The following TRA2A variants were observed in gnomAD, a reference collection of about 807,000 sequenced individuals.
The protein encoded by TRA2A is transformer 2 alpha homolog.
In TRA2A, 31 loss-of-function variants were observed where a neutral mutation model predicts 45.7. The observed-to-expected ratio is 0.68, with a 90% CI of 0.51 to 0.92. The LOEUF is 0.92. TRA2A is among the 40% of genes least tolerant of loss of function. The probability of loss-of-function intolerance (pLI) is 0.00; values close to 1 mark genes in which losing one functional copy is unlikely to be tolerated. For missense variants in TRA2A, 304 were observed against 367.5 expected (o/e 0.83, Z 1.41); for synonymous variants, 132 against 126.2 (o/e 1.05, Z -0.31).
At chr7:23,527,833 T>C (rs1790401056) in intron 1 of TRA2A, among the ~76,000 whole-genome samples, 1 of 152,188 alleles carries the variant, frequency 6.6e-6, no homozygotes, top group South Asian at 2.1e-4. Context: ...TTTCAAAATC[T>C]TGCCCTCTAC....
Position 23,521,738 on chromosome 7 carries a change from CAG to C in TRA2A, c.137_138del (p.Ser46Ter). On this transcript the variant is annotated frameshift_variant, in exon 2 of 8. Transcript: ENST00000297071. LOFTEE classifies it high-confidence loss of function. ...SRSPSRVSKH[S>X]ESHSRSRSKS... ...TTTGATCTTGATCGAGAATGGGATT[CAG>C]AGTGTTTGGAAACCCTTGATGGACT... The C allele has an allele frequency of 1.2e-6, 2 of 1,614,136 alleles. No individual in the cohort carries two copies. The highest frequency in any genetic ancestry group is 1.1e-5 in the South Asian group (1 of 91,082).
In TRA2A at chr7:23,506,147, T is replaced by C. The variant is rs1193509380; in HGVS notation, c.761A>G (p.Tyr254Cys). The stretch of plus-strand genomic sequence containing the variant: ...CAAGTTAAAACATTACCTGTATCGG[T>C]AATCATAGTCTTCATATCTGTCATA... ...RGYDRYEDYD[Y>C]RYRRRSPSPY... is the part of the protein sequence containing the mutation. Residue 254 changes from tyrosine (Y) to cysteine (C), a missense_variant, in exon 6 of 8, where the codon TAC becomes TGC. Tyr to Cys is a radical substitution (Grantham distance 194). Transcript: ENST00000297071. The C allele has an allele frequency of 6.2e-7, 1 of 1,606,928 alleles. No individual in the cohort carries two copies. Among genetic ancestry groups the C allele is most frequent in the Non-Finnish European group, 8.5e-7 (1 of 1,175,372 alleles).
Position 23,516,522 on chromosome 7 carries a change from C to T in TRA2A, c.177G>A (p.Arg59=). The change falls in exon 3 of 8, where the codon AGG becomes AGA. Residue 59 remains arginine, a synonymous_variant. Transcript: ENST00000297071. The part of the protein sequence containing the change: ...HSRSRSKSRS[R]SRRHSHRRYT... ...AACGTCTATGAGAATGTCTCCTTGA[C>T]CTCGACCTTTGAGAGAAATACATTT... is the stretch of plus-strand genomic sequence containing the variant. 1.9e-6 allele frequency: 3 copies of T among 1,613,788 alleles called. No homozygotes were observed. The highest frequency in any genetic ancestry group is 2.5e-6 in the Non-Finnish European group (3 of 1,179,912).
intron 1 of TRA2A, among the ~76,000 whole-genome samples, chr7:23,525,180 T>A (rs1358311379): frequency 6.6e-6 from 1 of 152,240 alleles, no homozygotes; most frequent in East Asian, 1.9e-4. Flanking sequence ...TAAGAAGTCC[T>A]TTATATAAAG....
intron 2 of TRA2A, among the ~76,000 whole-genome samples, chr7:23,520,011 T>A (rs1222378566): frequency 2.0e-5 from 3 of 152,200 alleles, no homozygotes; most frequent in African/African-American, 7.2e-5. Context: ...GCGGATCACC[T>A]GAGGCAGGAG....
chr7:23,509,431 A>G (rs1789493637), intron 4 of TRA2A, among the ~76,000 whole-genome samples: 1 of 152,186 alleles, frequency 6.6e-6, no homozygotes, highest in Non-Finnish European at 1.5e-5. Context: ...ACAAATTTTA[A>G]AAAGATTTTA....
intron 5 of TRA2A, 198 bp downstream of exon 5, chr7:23,507,221 TC>T: frequency 1.9e-6 from 1 of 536,280 alleles, no homozygotes; most frequent in South Asian, 2.8e-5. Context: ...GTGCCTCAGC[TC>T]CCGAGCAGCT....
chr7:23,524,418 T>C (rs1584141209), intron 1 of TRA2A, among the ~76,000 whole-genome samples: 1 of 151,896 alleles, frequency 6.6e-6, no homozygotes, highest in South Asian at 2.1e-4. Flanking sequence ...TCCTGACCTC[T>C]AGTGATCTGC....
intron 4 of TRA2A, among the ~76,000 whole-genome samples, chr7:23,511,383 AAAAAAAAAAAAAAAAAAAAAAAAAAAAG>A (rs1318690229): frequency 3.8e-4 from 13 of 34,556 alleles, no homozygotes; most frequent in African/African-American, 2.1e-3. Flanking sequence ...AAAAAAAAAA[AAAAAAAAAAAAAAAAAAAAAAAAAAAAG>A]AAAAGAAAAG....
intron 3 of TRA2A, among the ~76,000 whole-genome samples, chr7:23,515,135 A>AC (rs1482038103): frequency 6.8e-6 from 1 of 147,256 alleles, no homozygotes; most frequent in Non-Finnish European, 1.5e-5. Context: ...TATTTCTTTG[A>AC]CCCCCTTACC....
rs192556482 is a variant in TRA2A, at chr7:23,517,568, G to C, written c.171-1040C>G. Among the ~76,000 whole-genome samples the C allele has an allele frequency of 5.5e-4, 76 of 137,572 alleles. 1 individual carries two copies. The highest frequency in any genetic ancestry group is 3.1e-4 in the Non-Finnish European group (20 of 64,470). 90.3% of individuals were successfully genotyped at this position (137,572 alleles called of 152,430 possible). A position where few individuals can be genotyped will look rare whatever the true frequency, so the allele number is the denominator to read the frequency against. On this transcript the variant is annotated intron_variant, in intron 2 of 7. Transcript: ENST00000297071. ...AAGTCTAGCCCAGGCAACATAGCAA[G>C]ACTCCACACTTCTATTTTAAAAAAA...
At chr7:23,517,562 T>C (rs187868741) in intron 2 of TRA2A, among the ~76,000 whole-genome samples, 383 of 120,436 alleles carry the variant, frequency 3.2e-3, no homozygotes, top group Non-Finnish European at 5.5e-3. Flanking sequence ...CCAGGCAACA[T>C]AGCAAGACTC....
At position 23,512,903 on chromosome 7, in the gene TRA2A, G is replaced by A. The variant is rs762065614; in HGVS notation, c.516C>T (p.Asp172=). 4.3e-6 allele frequency: 7 copies of A among 1,610,678 alleles called. No individual in the cohort carries two copies. The African/African-American group carries it at 8.0e-5, about 18-fold the overall frequency. ...FAFVYFERID[D]SKEAMERANG... is the part of the protein sequence containing the mutation. The stretch of plus-strand genomic sequence containing the variant: ...TAAAAGACAAATTTACCTCCTTTGA[G>A]TCATCTATTCTCTCAAAATACACAA... The change falls in exon 4 of 8, where the codon GAC becomes GAT. Residue 172 remains aspartate, a synonymous_variant. Coordinates refer to ENST00000297071, the MANE Select transcript of TRA2A (RefSeq NM_013293.5).
chr7:23,527,673 C>T lies in TRA2A; in HGVS notation c.36+4116G>A, dbSNP rs116433105. Among the ~76,000 whole-genome samples the T allele has an allele frequency of 2.8e-3, 430 of 152,308 alleles. 1 individual carries two copies. Among genetic ancestry groups the T allele is most frequent in the African/African-American group, 9.7e-3 (402 of 41,566 alleles). ...GCCCACAGACAAAGTGTTTTCCAAA[C>T]CACACATCCCTAAATATTTAAATCC... is the stretch of plus-strand genomic sequence containing the variant. On this transcript the variant is annotated intron_variant, in intron 1 of 7. Transcript: ENST00000297071.
intron 3 of TRA2A, among the ~76,000 whole-genome samples, chr7:23,513,377 G>A (rs1288501258): frequency 6.6e-6 from 1 of 152,074 alleles, no homozygotes; most frequent in Non-Finnish European, 1.5e-5. Flanking sequence ...CAGCATTTTG[G>A]GAGGCTGAGG....
intron 1 of TRA2A, chr7:23,531,080 G>A (rs116180187): frequency 9.8e-4 from 246 of 250,642 alleles, no homozygotes; most frequent in African/African-American, 5.1e-3. Flanking sequence ...GAAGTGAAAG[G>A]AAAGTCGAAG....
At chr7:23,531,234 G>A in intron 1 of TRA2A, 1 of 986,938 alleles carries the variant, frequency 1.0e-6, no homozygotes, top group Non-Finnish European at 1.2e-6. Context: ...CTTTTTAGAC[G>A]CAACGCCGCC....
chr7:23,517,227 A>G (rs1325228150), intron 2 of TRA2A, among the ~76,000 whole-genome samples: 1 of 151,976 alleles, frequency 6.6e-6, no homozygotes, highest in Non-Finnish European at 1.5e-5. Context: ...TCATGCCTGT[A>G]ATCCCAGCAA....
chr7:23,524,754 T>C (rs1413156791), intron 1 of TRA2A, among the ~76,000 whole-genome samples: 1 of 151,538 alleles, frequency 6.6e-6, no homozygotes, highest in Non-Finnish European at 1.5e-5. Context: ...CAGTGGCACC[T>C]GATCTCAGCT....
Sources: allele counts gnomAD v4.1 joint callset (sites outside exome capture counted in the v4.1 genomes callset), GRCh38; gene constraint gnomAD v4.1.1; transcripts MANE v1.5; gene names NCBI Gene and HGNC (gene_info 2026-07-23, HGNC 2026-07-21).